C12orf42: variants seen among roughly 807,000 people sequenced by gnomAD.
The protein encoded by C12orf42 is uncharacterized protein C12orf42.
Under a neutral mutation model 21.6 loss-of-function variants are expected in C12orf42, and 25 were observed. The observed-to-expected ratio is 1.16, with a 90% CI of 0.84 to 1.62. The LOEUF is 1.62. Among genes scored for constraint, C12orf42 ranks in the 40% most tolerant of loss-of-function variants. The pLI is 0.00. For missense variants in C12orf42, 483 were observed against 459.3 expected (o/e 1.05, Z -0.47); for synonymous variants, 174 against 175.0 (o/e 0.99, Z 0.05).
chr12:103,088,722 C>G, the C12orf42 span, among the ~76,000 whole-genome samples: 1 of 152,190 alleles, frequency 6.6e-6, no homozygotes. Context: ...GCTTCCATTA[C>G]TTAAGTCACT....
chr12:103,211,696 T>G, the C12orf42 span, among the ~76,000 whole-genome samples: 1 of 152,146 alleles, frequency 6.6e-6, no homozygotes, highest in Non-Finnish European at 1.5e-5. Flanking sequence ...AAGACCCAGC[T>G]AAATCATTCA....
At chr12:103,466,135 A>T (rs1386723675) in intron 2 of C12orf42, among the ~76,000 whole-genome samples, 1 of 151,946 alleles carries the variant, frequency 6.6e-6, no homozygotes, top group East Asian at 1.9e-4. Flanking sequence ...GGGAGGTGTC[A>T]CTCCTTTTCA....
At chr12:103,155,924 ATTC>A in the C12orf42 span, among the ~76,000 whole-genome samples, 1 of 151,198 alleles carries the variant, frequency 6.6e-6, no homozygotes, top group East Asian at 1.9e-4. Flanking sequence ...GTGCCTTTGT[ATTC>A]TTCTACATCT....
chr12:103,078,291 A>T, the C12orf42 span, among the ~76,000 whole-genome samples: 1 of 152,206 alleles, frequency 6.6e-6, no homozygotes, highest in Non-Finnish European at 1.5e-5. Context: ...ATAATTTAAG[A>T]ATTTACCTAA....
chr12:103,493,858 C>A (rs1027784894), intron 1 of C12orf42, among the ~76,000 whole-genome samples: 1 of 152,104 alleles, frequency 6.6e-6, no homozygotes, highest in Non-Finnish European at 1.5e-5. Context: ...ATGTTATACA[C>A]CCCTAAAGCA....
the C12orf42 span, chr12:103,161,436 C>T: frequency 6.6e-6 from 1 of 152,016 alleles, no homozygotes; most frequent in South Asian, 2.1e-4. Context: ...ATCTCCCTCT[C>T]TTGTAGATTT....
At chr12:103,114,655 C>A in the C12orf42 span, among the ~76,000 whole-genome samples, 1 of 152,122 alleles carries the variant, frequency 6.6e-6, no homozygotes, top group Non-Finnish European at 1.5e-5. Context: ...CATGAGAATG[C>A]AAGGAGACTT....
At chr12:103,178,458 T>C in the C12orf42 span, 1 of 152,130 alleles carries the variant, frequency 6.6e-6, no homozygotes, top group Non-Finnish European at 1.5e-5. Context: ...CAACGTGAAC[T>C]AAGAATAGGA....
the C12orf42 span, among the ~76,000 whole-genome samples, chr12:103,064,090 A>G: frequency 6.6e-6 from 1 of 152,182 alleles, no homozygotes; most frequent in Non-Finnish European, 1.5e-5. Flanking sequence ...GGAGATTGGG[A>G]TGGTGAAATG....
chr12:103,261,527 G>C (rs1315403622), intron 10 of C12orf42, among the ~76,000 whole-genome samples: 1 of 150,154 alleles, frequency 6.7e-6, no homozygotes, highest in Non-Finnish European at 1.5e-5. Context: ...AAATACTTCA[G>C]GGCAGGAACT....
the C12orf42 span, chr12:103,549,452 C>G: frequency 6.6e-6 from 1 of 152,156 alleles, no homozygotes; most frequent in African/African-American, 2.4e-5. Context: ...TTTACATGCA[C>G]TTGTTTGTGT....
the C12orf42 span, among the ~76,000 whole-genome samples, chr12:103,134,909 G>A: frequency 6.6e-6 from 1 of 151,928 alleles, no homozygotes; most frequent in Admixed American, 6.6e-5. Context: ...ATGCTAACAG[G>A]GTATTTCTCA....
chr12:103,379,500 T>C (rs1000598462), intron 3 of C12orf42, among the ~76,000 whole-genome samples: 8 of 152,346 alleles, frequency 5.3e-5, no homozygotes, highest in African/African-American at 1.9e-4. Flanking sequence ...CAACATCTCC[T>C]TGACAGCTAT....
chr12:103,317,432 A>C (rs975788933), intron 4 of C12orf42, among the ~76,000 whole-genome samples: 1 of 152,228 alleles, frequency 6.6e-6, no homozygotes, highest in African/African-American at 2.4e-5. Flanking sequence ...ATTCAGTTGC[A>C]TGTAAATCAC....
At chr12:103,325,817 C>T (rs11111530) in intron 4 of C12orf42, among the ~76,000 whole-genome samples, 14,182 of 152,022 alleles carry the variant, frequency 0.093, 659 homozygotes, top group East Asian at 0.18. Context: ...CCCAACAGAA[C>T]GTGGCAGAAA....
chr12:103,398,595 C>T (rs1438724172), intron 3 of C12orf42, among the ~76,000 whole-genome samples: 2 of 152,020 alleles, frequency 1.3e-5, no homozygotes, highest in African/African-American at 4.8e-5. Flanking sequence ...CCCCTCAGAT[C>T]ATAAAATATA....
intron 1 of C12orf42, among the ~76,000 whole-genome samples, chr12:103,483,562 C>T (rs180855248): frequency 3.9e-5 from 6 of 152,076 alleles, no homozygotes; most frequent in South Asian, 4.2e-4. Context: ...ATTATGGTTA[C>T]GATTTTTCTT....
chr12:103,165,440 T>C, the C12orf42 span, among the ~76,000 whole-genome samples: 1 of 152,220 alleles, frequency 6.6e-6, no homozygotes, highest in South Asian at 2.1e-4. Context: ...ACTTTCTTCA[T>C]GACGAAATTC....
chr12:103,303,242 G>A (rs1419506292), intron 5 of C12orf42, among the ~76,000 whole-genome samples: 1 of 151,956 alleles, frequency 6.6e-6, no homozygotes, highest in African/African-American at 2.4e-5. Context: ...CTATATGTGT[G>A]TGTGAATATA....
Sources: allele counts gnomAD v4.1 joint callset (sites outside exome capture counted in the v4.1 genomes callset), GRCh38; gene constraint gnomAD v4.1.1; transcripts MANE v1.5; gene names NCBI Gene and HGNC (gene_info 2026-07-23, HGNC 2026-07-21).